Variants in AARSD1 observed in about 807,000 individuals in gnomAD.
AARSD1 encodes alanyl-tRNA editing protein Aarsd1.
Under a neutral mutation model 48.7 loss-of-function variants are expected in AARSD1, and 44 were observed. That is an observed-to-expected ratio of 0.90 (90% confidence interval 0.71 to 1.16). The LOEUF (loss-of-function observed/expected upper bound fraction) is 1.16. Ranked by LOEUF, AARSD1 falls within the 50% of genes most tolerant of loss-of-function variation. The pLI is 0.00. For missense variants in AARSD1, 511 were observed against 523.1 expected (o/e 0.98, Z 0.23); for synonymous variants, 189 against 194.9 (o/e 0.97, Z 0.25).
At chr17:42,954,731 CCAGTAA>C in intron 9 of AARSD1, 139 bp downstream of exon 9, 1 of 897,856 alleles carries the variant, frequency 1.1e-6, no homozygotes. Context: ...CCGCGCCCGG[CCAGTAA>C]CATATTTCTT....
intron 7 of AARSD1, chr17:42,955,474 T>C (rs1008398770): frequency 1.3e-5 from 6 of 460,196 alleles, no homozygotes; most frequent in Non-Finnish European, 2.3e-5. Context: ...AGTCTTGCTC[T>C]ATCGCCCAGG....
intron 10 of AARSD1, 165 bp from the exon 11 acceptor site, chr17:42,952,059 G>T (rs1254062872): frequency 2.8e-6 from 2 of 721,720 alleles, no homozygotes; most frequent in Non-Finnish European, 4.4e-6. Flanking sequence ...GCCCACGAGG[G>T]CCAAGAAACT....
rs2049550744 is a variant in AARSD1, at chr17:42,956,309, C to T, written c.558G>A (p.Arg186=). Residue 186 remains arginine (R), a synonymous_variant, in exon 6 of 12, where the codon CGG becomes CGA. Coordinates refer to ENST00000427569, the MANE Select transcript of AARSD1 (RefSeq NM_001261434.2). ...GCCCAGCATGATCATCAGGCAAACC[C>T]CGGCCACTCACCTGGACTCAAGGAG... The part of the protein sequence containing the change: ...DDPEVEQVSG[R]GLPDDHAGPI... 3 of 1,614,138 alleles carry T rather than the reference C, an allele frequency of 1.9e-6. No homozygotes were observed. Among genetic ancestry groups the T allele is most frequent in the East Asian group, 2.2e-5 (1 of 44,886 alleles).
At chr17:42,955,301 C>T in intron 7 of AARSD1, 77 bp from the exon 8 acceptor site, 1 of 1,568,766 alleles carries the variant, frequency 6.4e-7, no homozygotes, top group East Asian at 2.3e-5. Context: ...TCAATAATTT[C>T]CTTCTTGCTA....
chr17:42,959,026 A>C (rs1157155251), intron 3 of AARSD1, among the ~76,000 whole-genome samples: 1 of 147,906 alleles, frequency 6.8e-6, no homozygotes, highest in Non-Finnish European at 1.5e-5. Context: ...GTGAACCCCC[A>C]TCTCTACTAA....
intron 9 of AARSD1, among the ~76,000 whole-genome samples, chr17:42,954,517 C>T (rs1163884569): frequency 6.6e-6 from 1 of 152,018 alleles, no homozygotes; most frequent in African/African-American, 2.4e-5. Context: ...TCACCACAAC[C>T]TCTGCCTCCC....
intron 3 of AARSD1, 183 bp from the exon 4 acceptor site, chr17:42,957,378 T>C (rs1190947764): frequency 1.6e-6 from 1 of 635,112 alleles, no homozygotes; most frequent in African/African-American, 1.8e-5. Flanking sequence ...AGAGGCCTTA[T>C]GATACCATTT....
At chr17:42,956,602 A>C (rs2049556680) in intron 4 of AARSD1, 42 bp from the exon 5 acceptor site, 1 of 1,543,378 alleles carries the variant, frequency 6.5e-7, no homozygotes. Flanking sequence ...ATCTTACTGA[A>C]CAAGAAAAAG....
chr17:42,961,491 C>A, intron 2 of AARSD1, 140 bp from the exon 3 acceptor site: 2 of 1,170,906 alleles, frequency 1.7e-6, no homozygotes, highest in South Asian at 1.5e-5. Flanking sequence ...TGAAATGAGT[C>A]CACTTTGTTC....
chr17:42,956,448 C>G lies in AARSD1; in HGVS notation c.502G>C (p.Val168Leu). ...VNEKIRDRLP[V>L]NVRELSLDDP... is the part of the protein sequence containing the mutation. ...TCCAGGCTCAGTTCTCGGACATTCACAGGCAGCCGATCTCTGATTTTTTCA... is the reference window on the plus strand; with the variant it reads ...TCCAGGCTCAGTTCTCGGACATTCAGAGGCAGCCGATCTCTGATTTTTTCA... The change falls in exon 5 of 12, where the codon GTG (valine) becomes CTG (leucine). Residue 168 changes from valine (V) to leucine (L), a missense_variant. By Grantham distance (32) the Val-to-Leu change is conservative (BLOSUM62 1). Coordinates refer to ENST00000427569, the MANE Select transcript of AARSD1 (RefSeq NM_001261434.2). The G allele has an allele frequency of 3.1e-6, 5 of 1,614,090 alleles. No individual in the cohort carries two copies. The highest frequency in any genetic ancestry group is 4.2e-6 in the Non-Finnish European group (5 of 1,180,008).
In AARSD1 at chr17:42,957,179, C is replaced by G. The variant is rs768225273; in HGVS notation, c.348G>C (p.Thr116=). The G allele has an allele frequency of 6.2e-7, 1 of 1,613,630 alleles. No individual in the cohort carries two copies. Among genetic ancestry groups the G allele is most frequent in the Non-Finnish European group, 8.5e-7 (1 of 1,179,884 alleles). The change falls in exon 4 of 12, where the codon ACG becomes ACC. Residue 116 remains threonine, a synonymous_variant. Coordinates refer to ENST00000427569, the MANE Select transcript of AARSD1 (RefSeq NM_001261434.2). Reference sequence around the variant, plus strand: ...GCTTAAATAGATGGTCAGCAACTGCCGTGATGAGATGCTGCCCTAAGCAAA... The same window carrying G: ...GCTTAAATAGATGGTCAGCAACTGCGGTGATGAGATGCTGCCCTAAGCAAA... ...MQQHSGQHLI[T]AVADHLFKLK...
intron 1 of AARSD1, 33 bp downstream of exon 1, chr17:42,964,369 G>C (rs768010491): frequency 2.6e-6 from 4 of 1,561,058 alleles, no homozygotes; most frequent in Non-Finnish European, 2.6e-6. Context: ...TTGCCGGCCC[G>C]GCAGTCTCAA....
intron 11 of AARSD1, 107 bp downstream of exon 11, chr17:42,951,693 G>A (rs2049480855): frequency 8.2e-7 from 1 of 1,218,666 alleles, no homozygotes; most frequent in Non-Finnish European, 1.2e-6. Context: ...TGCCCATGAT[G>A]TGAATTAAAT....
At chr17:42,964,059 G>A (rs199820348) in intron 2 of AARSD1, 47 bp downstream of exon 2, 167 of 1,611,686 alleles carry the variant, frequency 1.0e-4, no homozygotes, top group Non-Finnish European at 1.4e-4. Context: ...ATTTCGGCCT[G>A]AGCACAAAGA....
Position 42,964,243 on chromosome 17 carries a change from CAG to C in AARSD1, c.40-8_40-7del. 2 of 1,609,402 alleles carry C rather than the reference CAG, an allele frequency of 1.2e-6. No homozygotes were observed. Among genetic ancestry groups the C allele is most frequent in the South Asian group, 1.1e-5 (1 of 90,784 alleles). On this transcript the variant is annotated splice_region_variant and splice_polypyrimidine_tract_variant and intron_variant, in intron 1 of 11. Coordinates refer to ENST00000427569, the MANE Select transcript of AARSD1 (RefSeq NM_001261434.2). ...GAGACCACGGTGGTGGTGAACTGAA[CAG>C]AGAGGAATGAGAGAATAAGCCCCGA...
intron 10 of AARSD1, among the ~76,000 whole-genome samples, chr17:42,952,294 CCT>C (rs1386044140): frequency 6.6e-6 from 1 of 152,146 alleles, no homozygotes; most frequent in Non-Finnish European, 1.5e-5. Context: ...GGGCCCCTCC[CCT>C]GAAACCTCCC....
chr17:42,956,958 C>T lies in AARSD1; in HGVS notation c.389+180G>A, dbSNP rs571103888. Among the ~76,000 whole-genome samples the T allele has an allele frequency of 1.9e-3, 223 of 119,622 alleles. 2 individuals carry two copies. The highest frequency in any genetic ancestry group is 6.4e-3 in the African/African-American group (208 of 32,714). The allele number at this position is 119,622 out of a possible 152,430, so 78.5% of individuals were successfully genotyped here. ...CTGGGATTACAAGCGTGAGCCACTG[C>T]GCCTGGCCTTTTTTTTTTTTTTTTT... On this transcript the variant is annotated intron_variant, in intron 4 of 11. Coordinates refer to ENST00000427569, the MANE Select transcript of AARSD1 (RefSeq NM_001261434.2).
intron 1 of AARSD1, 76 bp downstream of exon 1, chr17:42,964,326 C>A (rs1456980770): frequency 7.4e-5 from 118 of 1,594,340 alleles, no homozygotes; most frequent in Non-Finnish European, 1.0e-4. Flanking sequence ...TGTTGGCACT[C>A]CCTACACGTG....
intron 11 of AARSD1, 128 bp downstream of exon 11, chr17:42,951,672 C>G (rs761372810): frequency 5.1e-6 from 5 of 987,002 alleles, no homozygotes; most frequent in South Asian, 4.7e-5. Context: ...CTCTGCTCAG[C>G]CCACCTCACA....
Sources: gnomAD v4.1 joint callset for allele counts (sites outside exome capture counted in the v4.1 genomes callset) on GRCh38, gnomAD v4.1.1 for gene constraint, MANE v1.5 for transcripts, NCBI Gene and HGNC (gene_info 2026-07-23, HGNC 2026-07-21) for gene names.